Variants in EPS8L3 observed in about 807,000 individuals in gnomAD.
The protein encoded by EPS8L3 is epidermal growth factor receptor kinase substrate 8-like protein 3.
A neutral mutation model predicts 88.5 loss-of-function variants in EPS8L3; 80 were observed. The observed-to-expected ratio is 0.90, with a 90% CI of 0.75 to 1.09. The LOEUF (loss-of-function observed/expected upper bound fraction) is 1.09. Ranked by LOEUF, EPS8L3 falls within the 50% of genes least tolerant of loss-of-function variation. EPS8L3 has a pLI of 0.00. For synonymous variants in EPS8L3, 286 were observed against 291.0 expected, an observed-to-expected ratio of 0.98 and a Z score of 0.18; for missense variants, 721 against 735.2, an observed-to-expected ratio of 0.98 and a Z score of 0.22.
Position 109,761,462 on chromosome 1 carries a change from TG to T in EPS8L3, c.96+32del, listed in dbSNP as rs753936631. On this transcript the variant is annotated intron_variant, in intron 3 of 18. Coordinates refer to ENST00000361965, the MANE Select transcript of EPS8L3 (RefSeq NM_133181.4). ...GCACATGGGAACACTTGGGTTTAGT[TG>T]GACACTGCCCGGGGGCTGCAGAGGT... 1.4e-5 allele frequency: 22 copies of T among 1,587,872 alleles called. No homozygotes were observed. In the African/African-American group the frequency reaches 2.5e-4, roughly 18 times the overall value.
rs753860773 is a variant in EPS8L3, at chr1:109,752,152, T to C, written c.1277A>G (p.Gln426Arg). ...AGGGTCATGGTTGTGTGTCTTCTCC[T>C]GAGGAAAGTGTGAGGTGCTCCCTAA... ...HRLGSTSHFPQEKTHNHDPQP... is the reference protein window; with the variant it reads ...HRLGSTSHFPREKTHNHDPQP... The change falls in exon 15 of 19, where the codon CAG becomes CGG. Residue 426 changes from glutamine to arginine, a missense_variant. By Grantham distance (43) the Gln-to-Arg change is conservative. Transcript: ENST00000361965. The C allele has an allele frequency of 6.8e-6, 11 of 1,614,120 alleles. No homozygotes were observed. In the East Asian group the frequency reaches 8.9e-5, roughly 13 times the overall value.
At position 109,751,997 on chromosome 1, in the gene EPS8L3, C is replaced by T. The variant is rs1185303130; in HGVS notation, c.1432G>A (p.Glu478Lys). 6.2e-7 allele frequency: 1 copy of T among 1,603,156 alleles called. No homozygotes were observed. The highest frequency in any genetic ancestry group is 8.5e-7 in the Non-Finnish European group (1 of 1,173,994). ...ELTVVQGEKL[E>K]VLDHSKRWWL... ...CTAGCCTATGGCCCAAGCCTCACCT[C>T]CAGCTTCTCTCCCTGGACCACAGTC... Residue 478 changes from glutamate (E) to lysine (K), a missense_variant and splice_region_variant, in exon 15 of 19, where the codon GAG (glutamate) becomes AAG (lysine). Coordinates refer to ENST00000361965, the MANE Select transcript of EPS8L3 (RefSeq NM_133181.4).
chr1:109,752,175 TA>T lies in EPS8L3; in HGVS notation c.1253del (p.Leu418Ter). 6.2e-7 allele frequency: 1 copy of T among 1,613,506 alleles called. No homozygotes were observed. Among genetic ancestry groups the T allele is most frequent in the Non-Finnish European group, 8.5e-7 (1 of 1,179,618 alleles). ...PVSLRRGSHR[L>X]GSTSHFPQEK... is the part of the protein sequence containing the mutation. The stretch of plus-strand genomic sequence containing the variant: ...CCTGAGGAAAGTGTGAGGTGCTCCC[TA>T]ACCTATGACTTCCCCGCCTAAGAAA... On this transcript the variant is annotated frameshift_variant, in exon 15 of 19. Transcript: ENST00000361965. LOFTEE classifies it high-confidence loss of function.
chr1:109,758,926 G>T, intron 6 of EPS8L3, 136 bp downstream of exon 6: 1 of 996,342 alleles, frequency 1.0e-6, no homozygotes, highest in Non-Finnish European at 1.5e-6. Context: ...GCCCACCTCT[G>T]TCCTGGCTCC....
At chr1:109,756,896 C>G (rs1650334938) in intron 12 of EPS8L3, 121 bp downstream of exon 12, 3 of 1,305,440 alleles carry the variant, frequency 2.3e-6, no homozygotes, top group South Asian at 2.6e-5. Flanking sequence ...TGTAGAGTCC[C>G]CCAAGTAGCT....
Position 109,759,466 on chromosome 1 carries a change from A to T in EPS8L3, c.256-79T>A. On this transcript the variant is annotated intron_variant, in intron 4 of 18. Coordinates refer to ENST00000361965, the MANE Select transcript of EPS8L3 (RefSeq NM_133181.4). The surrounding 1 kb of genome is among the most constrained non-coding windows in gnomAD (Gnocchi z 4.2). ...TGGGAGCTCCTGACCAGCTCATCCT[A>T]GCCCTTTGGTGGCCTAGGGCTGAGG... 1 of 1,575,510 alleles carries T rather than the reference A, an allele frequency of 6.3e-7. No homozygotes were observed. The highest frequency in any genetic ancestry group is 2.2e-5 in the East Asian group (1 of 44,688).
chr1:109,756,931 A>G (rs1457338288), intron 12 of EPS8L3, 86 bp downstream of exon 12: 4 of 1,554,610 alleles, frequency 2.6e-6, no homozygotes, highest in South Asian at 1.1e-5. Context: ...GTTTGTGACA[A>G]CATAGAGCCT....
Position 109,751,715 on chromosome 1 carries a change from C to T in EPS8L3, c.1502G>A (p.Ser501Asn). The T allele has an allele frequency of 3.1e-6, 5 of 1,613,940 alleles. No homozygotes were observed. The highest frequency in any genetic ancestry group is 4.2e-6 in the Non-Finnish European group (5 of 1,179,990). The change falls in exon 16 of 19, where the codon AGC becomes AAC. Residue 501 changes from serine (S) to asparagine (N), a missense_variant. Ser to Asn is a conservative substitution (Grantham distance 46). Transcript: ENST00000361965. ...NEAGRSGYIP[S>N]NILEPLQPGT... ...CGGCTGTAGGGGCTCCAGGATGTTG[C>T]TTGGAATGTAGCCGCTCCGTCCCGC...
intron 3 of EPS8L3, 77 bp downstream of exon 3, chr1:109,761,418 T>C (rs903735889): frequency 2.1e-5 from 27 of 1,315,620 alleles, no homozygotes; most frequent in Non-Finnish European, 2.8e-5. Flanking sequence ...GAAGTGTCCA[T>C]GTTCTGGCAG....
intron 12 of EPS8L3, among the ~76,000 whole-genome samples, chr1:109,754,467 T>C (rs1015330116): frequency 6.6e-6 from 1 of 152,240 alleles, no homozygotes; most frequent in Non-Finnish European, 1.5e-5. Flanking sequence ...CTGTCTTTCA[T>C]TTATTTCTGG....
chr1:109,761,584 G>T (rs375164304), intron 2 of EPS8L3, 25 bp from the exon 3 acceptor site: 1 of 1,613,162 alleles, frequency 6.2e-7, no homozygotes, highest in Non-Finnish European at 8.5e-7. Context: ...AGCAAGGGGC[G>T]GGAGGTGGGC....
rs1650668815 is a variant in EPS8L3, at chr1:109,759,374, G to C, written c.269C>G (p.Ser90Cys). 6.2e-7 allele frequency: 1 copy of C among 1,614,062 alleles called. No individual in the cohort carries two copies. Residue 90 changes from serine to cysteine, a missense_variant, in exon 5 of 19, where the codon TCT (serine) becomes TGT (cysteine). Ser to Cys is a moderately radical substitution (Grantham distance 112). Coordinates refer to ENST00000361965, the MANE Select transcript of EPS8L3 (RefSeq NM_133181.4). This position sits in a 1 kb window ranked among gnomAD's most constrained non-coding sequence, Gnocchi z 4.2. ...GGCCTGGATGCTGTCTAGGCGGTAA[G>C]AGTCCAGCTCCTCCTGGGCCAGGTG... is the stretch of plus-strand genomic sequence containing the variant. ...LDIETKEELD[S>C]YRLDSIQAMN...
At chr1:109,752,438 C>T in intron 14 of EPS8L3, 1 of 603,012 alleles carries the variant, frequency 1.7e-6, no homozygotes, top group African/African-American at 1.9e-5. Flanking sequence ...CTGCCCTAAG[C>T]ACTTTATACT....
intron 17 of EPS8L3, 65 bp from the exon 18 acceptor site, chr1:109,750,857 G>C: frequency 6.3e-7 from 1 of 1,594,578 alleles, no homozygotes; most frequent in Non-Finnish European, 8.6e-7. Flanking sequence ...GAGCGTTTGG[G>C]CAGAGACAGG....
At chr1:109,761,591 G>C (rs771408631) in intron 2 of EPS8L3, 32 bp from the exon 3 acceptor site, 3 of 1,612,456 alleles carry the variant, frequency 1.9e-6, no homozygotes, top group Non-Finnish European at 2.5e-6. Context: ...GGCGGGAGGT[G>C]GGCAGAAGAA....
At position 109,752,121 on chromosome 1, in the gene EPS8L3, A is replaced by C; in HGVS notation, c.1308T>G (p.Pro436=). The C allele has an allele frequency of 6.2e-7, 1 of 1,614,090 alleles. No homozygotes were observed. Among genetic ancestry groups the C allele is most frequent in the Non-Finnish European group, 8.5e-7 (1 of 1,180,014 alleles). ...QEKTHNHDPQ[P]GDPNSRPSSP... ...TGGAGGGCCTGGAGTTGGGGTCCCCAGGCTGAGGGTCATGGTTGTGTGTCT... is the reference window on the plus strand; with the variant it reads ...TGGAGGGCCTGGAGTTGGGGTCCCCCGGCTGAGGGTCATGGTTGTGTGTCT... Residue 436 remains proline, a synonymous_variant, in exon 15 of 19, where the codon CCT becomes CCG. Coordinates refer to ENST00000361965, the MANE Select transcript of EPS8L3 (RefSeq NM_133181.4).
chr1:109,759,015 G>A lies in EPS8L3; in HGVS notation c.461+47C>T, dbSNP rs371120770. 5 of 1,557,372 alleles carry A rather than the reference G, an allele frequency of 3.2e-6. No individual in the cohort carries two copies. The highest frequency in any genetic ancestry group is 2.3e-4 in the Middle Eastern group (1 of 4,350). ...TATGGGGTCAGGGTCTGGCCCCCGA[G>A]GCTGAGCTGGGAGGCCCCATAGGTG... On this transcript the variant is annotated intron_variant, in intron 6 of 18. Coordinates refer to ENST00000361965, the MANE Select transcript of EPS8L3 (RefSeq NM_133181.4). This position sits in a 1 kb window ranked among gnomAD's most constrained non-coding sequence, Gnocchi z 4.2.
chr1:109,751,347 G>A lies in EPS8L3; in HGVS notation c.1568C>T (p.Pro523Leu). The change falls in exon 17 of 19, where the codon CCA becomes CTA. Residue 523 changes from proline to leucine, a missense_variant. By Grantham distance (98) the Pro-to-Leu change is moderately conservative. Coordinates refer to ENST00000361965, the MANE Select transcript of EPS8L3 (RefSeq NM_133181.4). ...GTQGQSPSRV[P>L]MLRLSSRPEE... ...AGGCCTCGAGCTAAGTCGAAGCATTGGAACCTAGAATCAGGGGGAACCAGG... is the reference window on the plus strand; with the variant it reads ...AGGCCTCGAGCTAAGTCGAAGCATTAGAACCTAGAATCAGGGGGAACCAGG... 1 of 1,613,540 alleles carries A rather than the reference G, an allele frequency of 6.2e-7. No individual in the cohort carries two copies. Among genetic ancestry groups the A allele is most frequent in the South Asian group, 1.1e-5 (1 of 91,000 alleles).
In EPS8L3 at chr1:109,751,756, C is replaced by G. The variant is rs1480999027; in HGVS notation, c.1461G>C (p.Trp487Cys). The G allele has an allele frequency of 2.3e-5, 37 of 1,613,644 alleles. No homozygotes were observed. The highest frequency in any genetic ancestry group is 3.1e-5 in the Non-Finnish European group (36 of 1,180,008). Reference protein sequence around the residue: ...LEVLDHSKRWWLVKNEAGRSG... With the variant: ...LEVLDHSKRWCLVKNEAGRSG... ...TCCGTCCCGCCTCATTCTTCACCAG[C>G]CACCACCGCTTGCTGTGGTCCAGAA... Residue 487 changes from tryptophan to cysteine, a missense_variant, in exon 16 of 19, where the codon TGG (tryptophan) becomes TGC (cysteine). Physicochemically the swap from Trp to Cys is radical, Grantham distance 215. Transcript: ENST00000361965.
Sources: allele counts gnomAD v4.1 joint callset (sites outside exome capture counted in the v4.1 genomes callset), GRCh38; gene constraint gnomAD v4.1.1; non-coding constraint Gnocchi (gnomAD v3.1); transcripts MANE v1.5; gene names NCBI Gene and HGNC (gene_info 2026-07-23, HGNC 2026-07-21).